Variants in TMTC3 observed in about 807,000 individuals in gnomAD.
TMTC3 encodes protein O-mannosyl-transferase TMTC3.
TMTC3 carries 52 observed loss-of-function variants against 92.2 expected under a neutral mutation model. That is an observed-to-expected ratio of 0.56 (90% CI 0.45 to 0.71). The LOEUF (loss-of-function observed/expected upper bound fraction) is 0.71. TMTC3 is among the 30% of genes least tolerant of loss of function. TMTC3 has a pLI of 0.00. For missense variants in TMTC3, 896 were observed against 1,057.1 expected (o/e 0.85, Z 2.11); for synonymous variants, 339 against 363.3 (o/e 0.93, Z 0.76).
chr12:88,187,562 C>T (rs1298180084), intron 10 of TMTC3, among the ~76,000 whole-genome samples: 2 of 152,058 alleles, frequency 1.3e-5, no homozygotes, highest in African/African-American at 4.8e-5. Flanking sequence ...CTCAGCAATA[C>T]ATCTAAAAAG....
At chr12:88,194,806 C>T (rs2041489010) in intron 13 of TMTC3, 32 bp from the exon 14 acceptor site, 6 of 1,338,908 alleles carry the variant, frequency 4.5e-6, no homozygotes, top group African/African-American at 1.5e-5. Context: ...ATTTTATTAA[C>T]AATATATTTT....
chr12:88,190,424 A>T (rs766241096), intron 11 of TMTC3, 29 bp from the exon 12 acceptor site: 6 of 1,603,162 alleles, frequency 3.7e-6, no homozygotes, highest in Non-Finnish European at 5.1e-6. Flanking sequence ...GAAATATCAA[A>T]TCATGAAAAT....
chr12:88,148,254 G>A, intron 1 of TMTC3, 34 bp from the exon 2 acceptor site: 1 of 1,380,538 alleles, frequency 7.2e-7, no homozygotes, highest in South Asian at 1.3e-5. Context: ...GAATAAATAT[G>A]TTCCTTATTT....
chr12:88,156,322 C>G, intron 4 of TMTC3, among the ~76,000 whole-genome samples: 1 of 152,138 alleles, frequency 6.6e-6, no homozygotes, highest in East Asian at 1.9e-4. Flanking sequence ...TTTGTTCATC[C>G]TGTGAGTCTG....
In TMTC3 at chr12:88,166,548, G is replaced by A; in HGVS notation, c.1016G>A (p.Arg339Lys). 1 of 1,613,790 alleles carries A rather than the reference G, an allele frequency of 6.2e-7. No individual in the cohort carries two copies. Among genetic ancestry groups the A allele is most frequent in the Non-Finnish European group, 8.5e-7 (1 of 1,179,860 alleles). Residue 339 changes from arginine to lysine, a missense_variant, in exon 7 of 14, where the codon AGA (arginine) becomes AAA (lysine). Arg to Lys is a conservative substitution (Grantham distance 26). Transcript: ENST00000266712. ...FLGMLGVFSI[R>K]YSGDSSKTVL... Reference sequence around the variant, plus strand: ...GGGATGTTGGGAGTATTCAGTATCAGATACTCTGGTGATTCCTCCAAGACT... The same window carrying A: ...GGGATGTTGGGAGTATTCAGTATCAAATACTCTGGTGATTCCTCCAAGACT...
chr12:88,166,234 A>G lies in TMTC3; in HGVS notation c.798-96A>G, dbSNP rs2041141588. ...TCTGTGTCTTCTGTTTAATAAGATG[A>G]TATATAAAATGTTTATTGTTTAGTG... On this transcript the variant is annotated intron_variant, in intron 6 of 13. Coordinates refer to ENST00000266712, the MANE Select transcript of TMTC3 (RefSeq NM_181783.4). 4 of 1,179,184 alleles carry G rather than the reference A, an allele frequency of 3.4e-6. No homozygotes were observed. In the Admixed American group the frequency reaches 8.2e-5, roughly 24 times the overall value. The allele number at this position is 1,179,184 out of a possible 1,614,324, so 73.0% of individuals were successfully genotyped here. A position where few individuals can be genotyped will look rare whatever the true frequency, so the allele number is the denominator to read the frequency against.
At chr12:88,148,092 T>C (rs934236064) in intron 1 of TMTC3, among the ~76,000 whole-genome samples, 196 bp from the exon 2 acceptor site, 2 of 152,134 alleles carry the variant, frequency 1.3e-5, no homozygotes, top group Non-Finnish European at 2.9e-5. Context: ...AATGTCCCCG[T>C]TATCAGGGAC....
chr12:88,154,259 T>C, intron 3 of TMTC3, 29 bp from the exon 4 acceptor site: 2 of 1,444,126 alleles, frequency 1.4e-6, no homozygotes, highest in South Asian at 1.2e-5. Context: ...TCTTTATTAA[T>C]ATGAACCCCC....
chr12:88,171,113 G>A (rs370097698), intron 7 of TMTC3, among the ~76,000 whole-genome samples: 2 of 152,048 alleles, frequency 1.3e-5, no homozygotes, highest in African/African-American at 2.4e-5. Flanking sequence ...TTGTCTGAAC[G>A]ACACCTGATT....
At chr12:88,142,706 T>C (rs2040759360) in intron 1 of TMTC3, among the ~76,000 whole-genome samples, 1 of 152,174 alleles carries the variant, frequency 6.6e-6, no homozygotes, top group South Asian at 2.1e-4. Flanking sequence ...TCAGAATCTG[T>C]CTTGATAGTT....
At chr12:88,172,948 T>C in intron 8 of TMTC3, 1 of 1,466,310 alleles carries the variant, frequency 6.8e-7, no homozygotes, top group South Asian at 1.2e-5. Context: ...CCTATATTTA[T>C]GTAATTTGAT....
In TMTC3 at chr12:88,153,283, C is replaced by T; in HGVS notation, c.190-8C>T. On this transcript the variant is annotated splice_polypyrimidine_tract_variant and splice_region_variant and intron_variant, in intron 2 of 13. Transcript: ENST00000266712. ...CTTTAATAATCACTGATCGTTTTTT[C>T]CTTGTAGGAGAGAAGCCACAAGTCT... 3 of 1,591,276 alleles carry T rather than the reference C, an allele frequency of 1.9e-6. No homozygotes were observed. The highest frequency in any genetic ancestry group is 2.3e-5 in the South Asian group (2 of 87,736).
At chr12:88,150,397 TG>T (rs1360856567) in intron 2 of TMTC3, among the ~76,000 whole-genome samples, 2 of 152,140 alleles carry the variant, frequency 1.3e-5, no homozygotes, top group Non-Finnish European at 2.9e-5. Context: ...CTTCCAATAT[TG>T]GGGATTACAT....
At chr12:88,176,143 T>TA (rs2041256467) in intron 9 of TMTC3, 65 bp from the exon 10 acceptor site, 1 of 1,054,970 alleles carries the variant, frequency 9.5e-7, no homozygotes, top group Non-Finnish European at 1.4e-6. Context: ...ACCAAACAAA[T>TA]ATCTGTATGA....
chr12:88,150,890 G>A (rs889236800), intron 2 of TMTC3, among the ~76,000 whole-genome samples: 4 of 152,026 alleles, frequency 2.6e-5, no homozygotes, highest in East Asian at 1.9e-4. Flanking sequence ...AAATACTGCC[G>A]TATTAGGGGT....
chr12:88,190,083 A>G (rs2041425243), intron 11 of TMTC3, among the ~76,000 whole-genome samples: 1 of 152,154 alleles, frequency 6.6e-6, no homozygotes, highest in African/African-American at 2.4e-5. Context: ...TTTGTTAAAA[A>G]TAAATAATAA....
chr12:88,143,419 A>G (rs1186713923), intron 1 of TMTC3, among the ~76,000 whole-genome samples: 1 of 152,160 alleles, frequency 6.6e-6, no homozygotes, highest in African/African-American at 2.4e-5. Context: ...CTTCCTTACA[A>G]TCCAGTGAAA....
chr12:88,155,510 A>T (rs1172560667), intron 4 of TMTC3, among the ~76,000 whole-genome samples: 1 of 152,180 alleles, frequency 6.6e-6, no homozygotes, highest in East Asian at 1.9e-4. Flanking sequence ...TTCTTGCCCT[A>T]GCTGTCTTCA....
Position 88,142,316 on chromosome 12 carries a change from A to C in TMTC3, c.-200A>C, listed in dbSNP as rs1440659127. On this transcript the variant is annotated 5_prime_UTR_variant, in exon 1 of 14. Transcript: ENST00000266712. ...CCGGCATGCAACGCGTAAGACTGCG[A>C]CGGTACCGGGGCGGCGGGGAAGGAC... 1.3e-5 allele frequency: 2 copies of C among 152,810 alleles called. No individual in the cohort carries two copies. Among genetic ancestry groups the C allele is most frequent in the Admixed American group, 6.5e-5 (1 of 15,292 alleles). The allele number at this position is 152,810 out of a possible 1,614,324, so 9.5% of individuals were successfully genotyped here.
Sources: gnomAD v4.1 joint callset for allele counts (sites outside exome capture counted in the v4.1 genomes callset) on GRCh38, gnomAD v4.1.1 for gene constraint, MANE v1.5 for transcripts, NCBI Gene and HGNC (gene_info 2026-07-23, HGNC 2026-07-21) for gene names.